KIF6: variants seen among roughly 807,000 people sequenced by gnomAD.
The protein encoded by KIF6 is kinesin-like protein KIF6.
Under a neutral mutation model 112.7 loss-of-function variants are expected in KIF6, and 106 were observed. That is an observed-to-expected ratio of 0.94 (90% CI 0.80 to 1.11). The LOEUF is 1.11. Among genes scored for constraint, KIF6 ranks in the 50% least tolerant of loss-of-function variants. The pLI is 0.00. For missense variants in KIF6, 929 were observed against 964.0 expected (o/e 0.96, Z 0.48); for synonymous variants, 339 against 339.9 (o/e 1.00, Z 0.03).
chr6:39,473,891 A>G (rs116119055), intron 13 of KIF6, among the ~76,000 whole-genome samples: 3,099 of 152,294 alleles, frequency 0.02, 46 homozygotes, highest in Non-Finnish European at 0.034. Flanking sequence ...CTCAGGACAC[A>G]TCTTTTTCAA....
At chr6:39,695,873 AT>A (rs1788501370) in intron 3 of KIF6, among the ~76,000 whole-genome samples, 1 of 152,252 alleles carries the variant, frequency 6.6e-6, no homozygotes, top group African/African-American at 2.4e-5. Flanking sequence ...ACTATTCACA[AT>A]GGCAAAGACA....
At chr6:39,590,185 C>T (rs1781855448) in intron 7 of KIF6, among the ~76,000 whole-genome samples, 1 of 152,028 alleles carries the variant, frequency 6.6e-6, no homozygotes, top group Admixed American at 6.6e-5. Context: ...GCAAGGTGTG[C>T]CCAAATACCC....
Position 39,687,351 on chromosome 6 carries a change from C to T in KIF6, c.251+27341G>A, listed in dbSNP as rs79428007. ...AAAAATGAATACTAACGCCCAACAT[C>T]GGGCTCTTAAGAAAAGAAAGAAGCT... is the stretch of plus-strand genomic sequence containing the variant. On this transcript the variant is annotated intron_variant, in intron 3 of 22. Transcript: ENST00000287152. 8.9e-3 allele frequency among the ~76,000 whole-genome samples: 1,356 copies of T among 152,246 alleles called. 28 individuals are homozygous for T. Among genetic ancestry groups the T allele is most frequent in the African/African-American group, 0.031 (1,268 of 41,554 alleles).
chr6:39,386,766 A>G (rs1194661846), intron 15 of KIF6, among the ~76,000 whole-genome samples: 2 of 152,072 alleles, frequency 1.3e-5, no homozygotes, highest in African/African-American at 4.8e-5. Context: ...GGAGGGGTGA[A>G]ACAGCAGCCC....
intron 3 of KIF6, among the ~76,000 whole-genome samples, chr6:39,699,263 G>A (rs371139808): frequency 6.6e-6 from 1 of 152,256 alleles, no homozygotes; most frequent in East Asian, 1.9e-4. Context: ...ATGCCATGGT[G>A]GTTGGGGCAG....
intron 8 of KIF6, among the ~76,000 whole-genome samples, chr6:39,585,549 A>C (rs751883837): frequency 2.0e-5 from 3 of 152,220 alleles, no homozygotes; most frequent in Non-Finnish European, 4.4e-5. Context: ...AAAAAGTGAG[A>C]GATCACAAGG....
chr6:39,641,644 A>G (rs1415525349), intron 3 of KIF6, among the ~76,000 whole-genome samples: 3 of 151,970 alleles, frequency 2.0e-5, no homozygotes, highest in Non-Finnish European at 4.4e-5. Flanking sequence ...AAAGTATAAT[A>G]TATATAAAAA....
intron 9 of KIF6, chr6:39,583,259 C>T: frequency 3.3e-6 from 1 of 302,310 alleles, no homozygotes; most frequent in Non-Finnish European, 7.0e-6. Context: ...CTTTCTCATT[C>T]AGCACTGTAA....
At chr6:39,540,377 T>G (rs776896677) in intron 12 of KIF6, among the ~76,000 whole-genome samples, 156 bp from the exon 13 acceptor site, 1 of 152,174 alleles carries the variant, frequency 6.6e-6, no homozygotes, top group Non-Finnish European at 1.5e-5. Flanking sequence ...TATATAGCAA[T>G]GGACAATTTA....
intron 12 of KIF6, among the ~76,000 whole-genome samples, chr6:39,542,974 T>C (rs6922624): frequency 0.46 from 70,194 of 152,032 alleles, 19,398 homozygotes; most frequent in African/African-American, 0.78. Flanking sequence ...TGCTGACAGT[T>C]AGTAAAGAAT....
At chr6:39,346,341 G>A (rs756548814) in intron 20 of KIF6, 135 bp downstream of exon 20, 21 of 703,406 alleles carry the variant, frequency 3.0e-5, no homozygotes, top group South Asian at 4.5e-5. Context: ...TGGTGATTAA[G>A]TCATGAAGGT....
chr6:39,359,039 C>T (rs781518506), intron 18 of KIF6, among the ~76,000 whole-genome samples: 1 of 152,124 alleles, frequency 6.6e-6, no homozygotes, highest in Non-Finnish European at 1.5e-5. Flanking sequence ...TTTGTTATCT[C>T]GTGTATTTAA....
chr6:39,454,980 C>A (rs1296669626), intron 13 of KIF6, among the ~76,000 whole-genome samples: 1 of 151,224 alleles, frequency 6.6e-6, no homozygotes, highest in Non-Finnish European at 1.5e-5. Context: ...CTTAGGTAAA[C>A]AAAGCAGCCG....
In KIF6 at chr6:39,508,240, G is replaced by A. The variant is rs1014633642; in HGVS notation, c.1645+31763C>T. ...GCATTAAAATTTGATAATCAGGGTC[G>A]CTTCCAAGATGGCTGAATAGAAATA... On this transcript the variant is annotated intron_variant, in intron 13 of 22. Coordinates refer to ENST00000287152, the MANE Select transcript of KIF6 (RefSeq NM_145027.6). Among the ~76,000 whole-genome samples, 4 of 151,988 alleles carry A rather than the reference G, an allele frequency of 2.6e-5. No homozygotes were observed. The East Asian group carries it at 5.8e-4, about 22-fold the overall frequency.
At chr6:39,578,751 G>A (rs558527513) in intron 9 of KIF6, among the ~76,000 whole-genome samples, 1 of 152,134 alleles carries the variant, frequency 6.6e-6, no homozygotes, top group African/African-American at 2.4e-5. Flanking sequence ...TGATTTCTCT[G>A]TGTGTTTTCA....
At chr6:39,523,678 ATATATAT>A (rs1777532306) in intron 13 of KIF6, among the ~76,000 whole-genome samples, 1 of 113,864 alleles carries the variant, frequency 8.8e-6, no homozygotes, top group Non-Finnish European at 1.7e-5. Flanking sequence ...ATATATATAT[ATATATAT>A]ATATATATAT....
chr6:39,500,239 T>A (rs1776042996), intron 13 of KIF6, among the ~76,000 whole-genome samples: 1 of 152,104 alleles, frequency 6.6e-6, no homozygotes, highest in African/African-American at 2.4e-5. Flanking sequence ...TTGGAGAAGT[T>A]AAGAATGGAC....
At chr6:39,617,742 A>G in intron 5 of KIF6, 1 of 455,674 alleles carries the variant, frequency 2.2e-6, no homozygotes, top group South Asian at 1.6e-5. Flanking sequence ...GGTCATACAG[A>G]CTAGAGGCCA....
intron 3 of KIF6, among the ~76,000 whole-genome samples, chr6:39,693,293 C>T (rs1226979530): frequency 6.6e-6 from 1 of 152,334 alleles, no homozygotes; most frequent in Non-Finnish European, 1.5e-5. Context: ...TGATGCATAT[C>T]TTAGGAGATA....
Sources: gnomAD v4.1 joint callset for allele counts (sites outside exome capture counted in the v4.1 genomes callset) on GRCh38, gnomAD v4.1.1 for gene constraint, MANE v1.5 for transcripts, NCBI Gene and HGNC (gene_info 2026-07-23, HGNC 2026-07-21) for gene names.